The following STIM1 variants were observed in gnomAD, a reference collection of about 807,000 sequenced individuals.
The protein encoded by STIM1 is stromal interaction molecule 1.
Under a neutral mutation model 74.7 loss-of-function variants are expected in STIM1, and 25 were observed. That is an observed-to-expected ratio of 0.33 (90% CI 0.24 to 0.47). The LOEUF (loss-of-function observed/expected upper bound fraction) is 0.47, where lower values mean the gene tolerates loss of function less well. STIM1 is among the 20% of genes least tolerant of loss of function. The pLI is 1.00. For missense variants in STIM1, 728 were observed against 920.8 expected, an observed-to-expected ratio of 0.79 and a Z score of 2.71; for synonymous variants, 328 against 348.8, an observed-to-expected ratio of 0.94 and a Z score of 0.66.
At chr11:3,922,524 C>T (rs1044643143) in intron 1 of STIM1, 1 of 152,310 alleles carries the variant, frequency 6.6e-6, no homozygotes. Context: ...TCAACCTTTT[C>T]CTCCATGTGT....
At chr11:3,973,830 C>T (rs115047470) in intron 2 of STIM1, 8,163 of 381,760 alleles carry the variant, frequency 0.021, 480 homozygotes, top group African/African-American at 0.14. Context: ...CTTCCTGTCT[C>T]AGCCTCTTGA....
intron 7 of STIM1, among the ~76,000 whole-genome samples, chr11:4,077,453 G>T (rs142988203): frequency 5.5e-4 from 84 of 152,122 alleles, no homozygotes; most frequent in African/African-American, 1.9e-3. Flanking sequence ...CAAAGTTAGA[G>T]ATTTTAATAT....
At chr11:3,928,752 A>C (rs1333429751) in intron 1 of STIM1, among the ~76,000 whole-genome samples, 1 of 152,202 alleles carries the variant, frequency 6.6e-6, no homozygotes, top group African/African-American at 2.4e-5. Flanking sequence ...TTGATGGAGT[A>C]AAGAAAAGAC....
At chr11:3,903,870 G>A (rs2092406811) in intron 1 of STIM1, among the ~76,000 whole-genome samples, 1 of 152,152 alleles carries the variant, frequency 6.6e-6, no homozygotes, top group South Asian at 2.1e-4. Flanking sequence ...ACTCTGTACA[G>A]TGTCACAAGT....
chr11:3,869,620 G>A (rs2091002691), intron 1 of STIM1, among the ~76,000 whole-genome samples: 1 of 152,164 alleles, frequency 6.6e-6, no homozygotes, highest in Non-Finnish European at 1.5e-5. Context: ...CTGGAGAGTG[G>A]TAGCTGTGCC....
chr11:3,946,003 A>T (rs2093067944), intron 1 of STIM1, among the ~76,000 whole-genome samples: 1 of 152,140 alleles, frequency 6.6e-6, no homozygotes, highest in African/African-American at 2.4e-5. Flanking sequence ...TGAAGACAGC[A>T]TCAAGCCAGG....
chr11:3,861,488 C>G (rs1452065443), intron 1 of STIM1, among the ~76,000 whole-genome samples: 2 of 152,144 alleles, frequency 1.3e-5, no homozygotes, highest in Non-Finnish European at 2.9e-5. Context: ...CCTGCCTCGG[C>G]CTCCCAAAGT....
At chr11:3,941,585 A>ATGTGTG (rs111336047) in intron 1 of STIM1, among the ~76,000 whole-genome samples, 4,333 of 139,534 alleles carry the variant, frequency 0.031, 144 homozygotes, top group East Asian at 0.15. Flanking sequence ...AAGCATATAT[A>ATGTGTG]TGTGTGTGTG....
chr11:3,912,217 C>A (rs1434340847), intron 1 of STIM1, among the ~76,000 whole-genome samples: 1 of 114,078 alleles, frequency 8.8e-6, no homozygotes, highest in Non-Finnish European at 1.8e-5. Context: ...CTTCTCCCCT[C>A]CCTTCTCCCC....
At chr11:3,883,856 A>T (rs1207104840) in intron 1 of STIM1, among the ~76,000 whole-genome samples, 2 of 152,204 alleles carry the variant, frequency 1.3e-5, no homozygotes, top group African/African-American at 4.8e-5. Flanking sequence ...TGTAGGAGGG[A>T]TCAGTTGCGG....
intron 3 of STIM1, among the ~76,000 whole-genome samples, chr11:4,029,945 C>T (rs2094034290): frequency 6.6e-6 from 1 of 152,172 alleles, no homozygotes; most frequent in African/African-American, 2.4e-5. Flanking sequence ...TTTTGTTATA[C>T]ATGCTTTTGC....
At chr11:4,007,532 C>A (rs2093794348) in intron 2 of STIM1, among the ~76,000 whole-genome samples, 1 of 152,048 alleles carries the variant, frequency 6.6e-6, no homozygotes, top group South Asian at 2.1e-4. Context: ...CTGGGAACTT[C>A]CGTTGAGGGT....
chr11:3,925,290 G>C (rs1414863298), intron 1 of STIM1, among the ~76,000 whole-genome samples: 1 of 152,158 alleles, frequency 6.6e-6, no homozygotes, highest in African/African-American at 2.4e-5. Context: ...AGCTACTCAG[G>C]AGGCTGATGC....
chr11:3,912,854 G>A (rs992806599), intron 1 of STIM1, among the ~76,000 whole-genome samples: 1 of 152,144 alleles, frequency 6.6e-6, no homozygotes, highest in African/African-American at 2.4e-5. Context: ...GTTCTATCTG[G>A]GGGGTGAGGA....
Position 3,887,876 on chromosome 11 carries a change from G to A in STIM1, c.139+31467G>A, listed in dbSNP as rs563117130. Reference sequence around the variant, plus strand: ...CCAGCTACTTGAGAGGCTGAGGCAGGAGAATCGCTTCAACCCGGGAGGCAC... The same window carrying A: ...CCAGCTACTTGAGAGGCTGAGGCAGAAGAATCGCTTCAACCCGGGAGGCAC... On this transcript the variant is annotated intron_variant, in intron 1 of 12. Coordinates refer to ENST00000526596, the MANE Select transcript of STIM1 (RefSeq NM_001382567.1). Among the ~76,000 whole-genome samples the A allele has an allele frequency of 4.0e-5, 6 of 151,490 alleles. No individual in the cohort carries two copies. The East Asian group carries it at 9.7e-4, about 24-fold the overall frequency.
intron 1 of STIM1, among the ~76,000 whole-genome samples, chr11:3,860,145 A>G (rs1383382567): frequency 6.6e-6 from 1 of 152,226 alleles, no homozygotes; most frequent in Non-Finnish European, 1.5e-5. Context: ...AATAAACAGG[A>G]TGCTATCATG....
At chr11:4,044,445 A>G (rs2094174572) in intron 3 of STIM1, among the ~76,000 whole-genome samples, 1 of 152,164 alleles carries the variant, frequency 6.6e-6, no homozygotes, top group African/African-American at 2.4e-5. Context: ...AACCTTGGGG[A>G]CAGGGAGCCC....
intron 5 of STIM1, among the ~76,000 whole-genome samples, chr11:4,068,292 A>G (rs2094381243): frequency 6.6e-6 from 1 of 152,226 alleles, no homozygotes; most frequent in Admixed American, 6.5e-5. Context: ...ACTAGGCTCA[A>G]TCTGCATACC....
intron 1 of STIM1, among the ~76,000 whole-genome samples, chr11:3,858,813 G>A (rs1248852895): frequency 3.3e-5 from 5 of 152,198 alleles, no homozygotes; most frequent in Non-Finnish European, 7.3e-5. Flanking sequence ...TTTTCCAACA[G>A]AGTCTCACAA....
Sources: allele counts gnomAD v4.1 joint callset (sites outside exome capture counted in the v4.1 genomes callset), GRCh38; gene constraint gnomAD v4.1.1; transcripts MANE v1.5; gene names NCBI Gene and HGNC (gene_info 2026-07-23, HGNC 2026-07-21).